Variants in EYA1 observed in about 807,000 individuals in gnomAD.
EYA1 encodes the protein protein phosphatase EYA1.
A neutral mutation model predicts 82.0 loss-of-function variants in EYA1; 16 were observed. That is an observed-to-expected ratio of 0.20 (90% CI 0.13 to 0.30). The LOEUF is 0.30. Among genes scored for constraint, EYA1 ranks in the 10% least tolerant of loss-of-function variants. The pLI, the probability that EYA1 is intolerant of heterozygous loss-of-function variation, is 1.00. For missense variants in EYA1, 633 were observed against 730.7 expected (o/e 0.87, Z 1.54); for synonymous variants, 261 against 264.4 (o/e 0.99, Z 0.12).
chr8:71,501,760 G>C (rs1811823703), intron 2 of EYA1, among the ~76,000 whole-genome samples: 1 of 152,132 alleles, frequency 6.6e-6, no homozygotes, highest in African/African-American at 2.4e-5. Flanking sequence ...AGCTCCATAT[G>C]GTTTAAAAAC....
chr8:71,455,095 A>C (rs558437261), intron 2 of EYA1, among the ~76,000 whole-genome samples: 1 of 152,242 alleles, frequency 6.6e-6, no homozygotes, highest in African/African-American at 2.4e-5. Flanking sequence ...GATCCACAGA[A>C]ATACAAACTA....
In EYA1 at chr8:71,321,806, T is replaced by C. The variant is rs1822586932; in HGVS notation, c.346A>G (p.Thr116Ala). The change falls in exon 6 of 18, where the codon ACA becomes GCA. Residue 116 changes from threonine to alanine, a missense_variant. Transcript: ENST00000340726. ...MAAYGQTQFT[T>A]GMQQATAYAT... ...TAGGCTGTAGCTTGTTGCATTCCTG[T>C]GGTAAACTGTGTTTGCCCATATGCA... The C allele has an allele frequency of 3.7e-6, 6 of 1,614,244 alleles. No homozygotes were observed. The highest frequency in any genetic ancestry group is 1.1e-5 in the South Asian group (1 of 91,092).
intron 2 of EYA1, among the ~76,000 whole-genome samples, chr8:71,405,761 A>G (rs1187723202): frequency 6.6e-6 from 1 of 151,950 alleles, no homozygotes; most frequent in African/African-American, 2.4e-5. Flanking sequence ...CAACCTTTCC[A>G]TATACCCCTT....
chr8:71,266,626 A>C (rs955253602), intron 11 of EYA1, among the ~76,000 whole-genome samples: 1 of 152,128 alleles, frequency 6.6e-6, no homozygotes, highest in Non-Finnish European at 1.5e-5. Context: ...AAAAATGTTT[A>C]GGAAGAAATC....
At position 71,361,807 on chromosome 8, in the gene EYA1, T is replaced by C. The variant is rs1029135054; in HGVS notation, c.-215A>G. 2.0e-6 allele frequency: 2 copies of C among 985,358 alleles called. No homozygotes were observed. The highest frequency in any genetic ancestry group is 1.1e-4 in the East Asian group (1 of 8,830). 61.0% of individuals were successfully genotyped at this position (985,358 alleles called of 1,614,324 possible). ...GGCGCTTCTGGGAGTGGAGCGCCTCTGCAGGGGAAAGCTCGGCGCAGGGGG... is the reference window on the plus strand; with the variant it reads ...GGCGCTTCTGGGAGTGGAGCGCCTCCGCAGGGGAAAGCTCGGCGCAGGGGG... On this transcript the variant is annotated 5_prime_UTR_variant, in exon 1 of 18. Coordinates refer to ENST00000340726, the MANE Select transcript of EYA1 (RefSeq NM_000503.6).
At chr8:71,343,789 A>G (rs1825412865) in intron 3 of EYA1, among the ~76,000 whole-genome samples, 1 of 152,226 alleles carries the variant, frequency 6.6e-6, no homozygotes, top group African/African-American at 2.4e-5. Flanking sequence ...ACTTTCACAC[A>G]AGGGCAGTAC....
rs56047377 is a variant in EYA1, at chr8:71,254,243, CAAAAAAAAAAA to C, written c.1051-9562_1051-9552del. Reference sequence around the variant, plus strand: ...TATACCCCATCTATAAAGTCTTGGCCAAAAAAAAAAAAAAAAAAAAAAAAAGAAAAGGAAAC... The same window carrying C: ...TATACCCCATCTATAAAGTCTTGGCCAAAAAAAAAAAAAAGAAAAGGAAAC... On this transcript the variant is annotated intron_variant, in intron 11 of 17. Transcript: ENST00000340726. 1.1e-3 allele frequency among the ~76,000 whole-genome samples: 57 copies of C among 51,482 alleles called. 1 individual carries two copies. Among genetic ancestry groups the C allele is most frequent in the African/African-American group, 4.3e-3 (53 of 12,398 alleles). The allele number at this position is 51,482 out of a possible 152,430, so 33.8% of individuals were successfully genotyped here. A position where few individuals can be genotyped will look rare whatever the true frequency, so the allele number is the denominator to read the frequency against.
intron 2 of EYA1, among the ~76,000 whole-genome samples, chr8:71,512,766 C>T (rs1586860925): frequency 1.3e-5 from 2 of 152,096 alleles, no homozygotes; most frequent in South Asian, 4.1e-4. Flanking sequence ...TATAATTAAA[C>T]TTTCCAATCA....
intron 2 of EYA1, among the ~76,000 whole-genome samples, chr8:71,388,237 C>T (rs1255905784): frequency 4.6e-5 from 7 of 152,088 alleles, no homozygotes; most frequent in Admixed American, 2.6e-4. Flanking sequence ...GGTCTTATAG[C>T]GAAGTGGTCA....
chr8:71,496,690 C>T (rs1001166430), intron 2 of EYA1, among the ~76,000 whole-genome samples: 1 of 152,104 alleles, frequency 6.6e-6, no homozygotes, highest in Non-Finnish European at 1.5e-5. Context: ...TCTTGGTAGC[C>T]TAAAAGAGTT....
At chr8:71,538,614 C>A (rs1285313245) in intron 1 of EYA1, among the ~76,000 whole-genome samples, 1 of 152,176 alleles carries the variant, frequency 6.6e-6, no homozygotes, top group Admixed American at 6.5e-5. Context: ...TAGAGAGCAA[C>A]TAGTCACAAA....
chr8:71,329,849 A>G (rs1204696476), intron 4 of EYA1, among the ~76,000 whole-genome samples: 1 of 152,228 alleles, frequency 6.6e-6, no homozygotes, highest in African/African-American at 2.4e-5. Flanking sequence ...CAGCATTTGC[A>G]AAAGGCTCAT....
At chr8:71,405,593 AC>A (rs912751456) in intron 2 of EYA1, among the ~76,000 whole-genome samples, 1 of 152,246 alleles carries the variant, frequency 6.6e-6, no homozygotes, top group Non-Finnish European at 1.5e-5. Context: ...CACAAAAGGT[AC>A]AAAATTAGAA....
intron 2 of EYA1, among the ~76,000 whole-genome samples, chr8:71,442,220 C>T (rs1292650302): frequency 1.3e-5 from 2 of 152,214 alleles, no homozygotes; most frequent in Non-Finnish European, 1.5e-5. Context: ...CTAAACTCTT[C>T]ACCCATAACA....
chr8:71,362,932 C>A (rs1458885331), upstream of EYA1, among the ~76,000 whole-genome samples: 1 of 152,126 alleles, frequency 6.6e-6, no homozygotes, highest in Admixed American at 6.5e-5. Flanking sequence ...TTCAAATATT[C>A]AAAGAAGGCA....
chr8:71,342,740 T>G (rs539076035), intron 3 of EYA1, among the ~76,000 whole-genome samples: 3 of 152,302 alleles, frequency 2.0e-5, no homozygotes, highest in Middle Eastern at 3.4e-3. Context: ...CCTTTTGAAT[T>G]TGCGGACCTT....
chr8:71,458,390 T>A (rs1243410141), intron 2 of EYA1, among the ~76,000 whole-genome samples: 5 of 152,066 alleles, frequency 3.3e-5, no homozygotes, highest in Non-Finnish European at 7.4e-5. Flanking sequence ...TATGTAGATT[T>A]TTTTTTTCTT....
intron 2 of EYA1, among the ~76,000 whole-genome samples, chr8:71,437,588 T>A (rs901783273): frequency 4.6e-5 from 7 of 152,074 alleles, no homozygotes; most frequent in African/African-American, 1.7e-4. Context: ...AAAAGAAATT[T>A]AACGTTAAGG....
At chr8:71,207,536 G>C (rs1807957012) in intron 17 of EYA1, among the ~76,000 whole-genome samples, 1 of 152,106 alleles carries the variant, frequency 6.6e-6, no homozygotes, top group African/African-American at 2.4e-5. Flanking sequence ...TTGGACTCTT[G>C]TCACGTACAG....
Sources: allele counts gnomAD v4.1 joint callset (sites outside exome capture counted in the v4.1 genomes callset), GRCh38; gene constraint gnomAD v4.1.1; transcripts MANE v1.5; gene names NCBI Gene and HGNC (gene_info 2026-07-23, HGNC 2026-07-21).